The following ZNF385D variants were observed in gnomAD, a reference collection of about 807,000 sequenced individuals.
The protein encoded by ZNF385D is zinc finger protein 659.
A neutral mutation model predicts 35.8 loss-of-function variants in ZNF385D; 15 were observed. The observed-to-expected ratio is 0.42, with a 90% CI of 0.28 to 0.64. The LOEUF is 0.64. Ranked by LOEUF, ZNF385D falls within the 30% of genes least tolerant of loss-of-function variation. The pLI is 0.23. For synonymous variants in ZNF385D, 212 were observed against 186.8 expected, an observed-to-expected ratio of 1.13 and a Z score of -1.10; for missense variants, 474 against 494.6, an observed-to-expected ratio of 0.96 and a Z score of 0.39.
intron 3 of ZNF385D, among the ~76,000 whole-genome samples, chr3:21,816,780 A>G (rs1405846662): frequency 6.6e-6 from 1 of 152,220 alleles, no homozygotes; most frequent in African/African-American, 2.4e-5. Flanking sequence ...TATAGATTCA[A>G]TGCCATCCCC....
chr3:21,647,460 A>T (rs1407833359), intron 2 of ZNF385D, among the ~76,000 whole-genome samples: 1 of 138,590 alleles, frequency 7.2e-6, no homozygotes, highest in Non-Finnish European at 1.5e-5. Flanking sequence ...CTTCTTTCTC[A>T]CTCTCCCTGT....
intron 3 of ZNF385D, among the ~76,000 whole-genome samples, chr3:22,070,804 TA>T (rs1344849409): frequency 6.6e-6 from 1 of 152,200 alleles, no homozygotes; most frequent in Non-Finnish European, 1.5e-5. Context: ...TGAACAAGTT[TA>T]TTTCCAATGA....
At chr3:21,910,277 A>T (rs1476281348) in intron 3 of ZNF385D, among the ~76,000 whole-genome samples, 1 of 151,962 alleles carries the variant, frequency 6.6e-6, no homozygotes, top group Non-Finnish European at 1.5e-5. Flanking sequence ...CTGTGTGTTC[A>T]TTATATAGGT....
chr3:21,496,456 T>TATATATATC (rs1705873829), intron 4 of ZNF385D, among the ~76,000 whole-genome samples: 1 of 111,020 alleles, frequency 9.0e-6, no homozygotes, highest in African/African-American at 3.5e-5. Context: ...ACATATTTGA[T>TATATATATC]ATATATATCA....
intron 3 of ZNF385D, among the ~76,000 whole-genome samples, chr3:22,092,517 C>T (rs1485591331): frequency 6.6e-6 from 1 of 152,148 alleles, no homozygotes; most frequent in African/African-American, 2.4e-5. Context: ...TTTGCAGCCT[C>T]AGCAAACCCT....
At chr3:22,331,763 C>T (rs185735047) in intron 2 of ZNF385D, among the ~76,000 whole-genome samples, 6 of 152,146 alleles carry the variant, frequency 3.9e-5, no homozygotes, top group East Asian at 3.9e-4. Context: ...TTGATTCACC[C>T]GTTTGTTTTC....
At chr3:22,152,622 A>T (rs1365130556) in intron 3 of ZNF385D, among the ~76,000 whole-genome samples, 1 of 152,156 alleles carries the variant, frequency 6.6e-6, no homozygotes, top group Non-Finnish European at 1.5e-5. Context: ...CTTCCACAGT[A>T]ACATCTCCTT....
chr3:22,170,148 A>G (rs766140475), intron 2 of ZNF385D, among the ~76,000 whole-genome samples: 5 of 152,234 alleles, frequency 3.3e-5, no homozygotes, highest in Non-Finnish European at 7.3e-5. Context: ...AGTTATTTTA[A>G]AGTATTTGAA....
At chr3:21,908,118 A>ATATC (rs61001621) in intron 3 of ZNF385D, among the ~76,000 whole-genome samples, 6,622 of 135,674 alleles carry the variant, frequency 0.049, 149 homozygotes, top group East Asian at 0.066. Flanking sequence ...CTTTCTCTCT[A>ATATC]TATCTATCTA....
chr3:21,889,235 G>C (rs967023941), intron 3 of ZNF385D, among the ~76,000 whole-genome samples: 1 of 152,160 alleles, frequency 6.6e-6, no homozygotes, highest in African/African-American at 2.4e-5. Context: ...GTTTCTCATG[G>C]ATCAGATGGA....
intron 3 of ZNF385D, among the ~76,000 whole-genome samples, chr3:21,910,729 G>T (rs1040003907): frequency 7.3e-5 from 11 of 151,488 alleles, no homozygotes; most frequent in African/African-American, 2.4e-4. Flanking sequence ...GGGGACGGGG[G>T]GCAGAGAAAG....
At chr3:22,130,935 G>A in intron 3 of ZNF385D, among the ~76,000 whole-genome samples, 1 of 151,960 alleles carries the variant, frequency 6.6e-6, no homozygotes. Flanking sequence ...ACTAGTGTAG[G>A]CATTAATTAG....
At chr3:21,554,578 G>A (rs1174988270) in intron 3 of ZNF385D, among the ~76,000 whole-genome samples, 2 of 152,146 alleles carry the variant, frequency 1.3e-5, no homozygotes, top group Non-Finnish European at 2.9e-5. Context: ...GTCCTTTGAA[G>A]CATTAAAGCC....
chr3:22,008,707 AAC>A (rs1228331037), intron 3 of ZNF385D, among the ~76,000 whole-genome samples: 1 of 152,160 alleles, frequency 6.6e-6, no homozygotes, highest in African/African-American at 2.4e-5. Flanking sequence ...GCCATAACAA[AAC>A]ACAACTGAAA....
At chr3:21,920,843 T>C (rs1700422916) in intron 3 of ZNF385D, among the ~76,000 whole-genome samples, 1 of 152,110 alleles carries the variant, frequency 6.6e-6, no homozygotes, top group Admixed American at 6.6e-5. Flanking sequence ...TAACACTGCT[T>C]GATGATTAAC....
intron 2 of ZNF385D, among the ~76,000 whole-genome samples, chr3:21,614,560 G>A (rs1158983138): frequency 6.6e-6 from 1 of 152,092 alleles, no homozygotes; most frequent in Non-Finnish European, 1.5e-5. Flanking sequence ...GTGATTTTTT[G>A]TTTTCCAGCC....
chr3:21,988,887 G>T (rs1312595042), intron 3 of ZNF385D, among the ~76,000 whole-genome samples: 1 of 152,192 alleles, frequency 6.6e-6, no homozygotes, highest in African/African-American at 2.4e-5. Flanking sequence ...CGTTTTTTAA[G>T]CCGGTCTGAA....
At chr3:21,952,070 A>G (rs532300973) in intron 3 of ZNF385D, among the ~76,000 whole-genome samples, 1 of 148,922 alleles carries the variant, frequency 6.7e-6, no homozygotes, top group East Asian at 1.9e-4. Flanking sequence ...ACTCTTTTTA[A>G]GCAACTAAGA....
At chr3:21,749,425 C>G (rs1575585735) in intron 1 of ZNF385D, among the ~76,000 whole-genome samples, 1 of 152,160 alleles carries the variant, frequency 6.6e-6, no homozygotes, top group African/African-American at 2.4e-5. Flanking sequence ...AAAATATAAA[C>G]TAAAATTATA....
Sources: gnomAD v4.1 joint callset for allele counts (sites outside exome capture counted in the v4.1 genomes callset) on GRCh38, gnomAD v4.1.1 for gene constraint, MANE v1.5 for transcripts, NCBI Gene and HGNC (gene_info 2026-07-23, HGNC 2026-07-21) for gene names.